The following SLC48A1 variants were observed in gnomAD, a reference collection of about 807,000 sequenced individuals.
SLC48A1 encodes heme transporter HRG1.
Under a neutral mutation model 14.8 loss-of-function variants are expected in SLC48A1, and 6 were observed. The observed-to-expected ratio is 0.41, with a 90% CI of 0.22 to 0.80. The LOEUF (loss-of-function observed/expected upper bound fraction) is 0.80. SLC48A1 is among the 30% of genes least tolerant of loss of function. The pLI is 0.34. For synonymous variants in SLC48A1, 89 were observed against 90.0 expected, an observed-to-expected ratio of 0.99 and a Z score of 0.06; for missense variants, 165 against 204.8, an observed-to-expected ratio of 0.81 and a Z score of 1.19.
At chr12:47,754,720 C>G (rs1295373936), upstream of SLC48A1, among the ~76,000 whole-genome samples, 1 of 152,142 alleles carries the variant, frequency 6.6e-6, no homozygotes, top group East Asian at 1.9e-4. Context: ...TCATGATGGG[C>G]CCTATTACCA....
Position 47,782,191 on chromosome 12 carries a change from C to T in SLC48A1, c.*1910C>T, listed in dbSNP as rs1413016348. 2 of 152,304 alleles carry T rather than the reference C, an allele frequency of 1.3e-5. No homozygotes were observed. The highest frequency in any genetic ancestry group is 2.9e-5 in the Non-Finnish European group (2 of 68,094). 9.4% of individuals were successfully genotyped at this position (152,304 alleles called of 1,614,324 possible). A position where few individuals can be genotyped will look rare whatever the true frequency, so the allele number is the denominator to read the frequency against. On this transcript the variant is annotated 3_prime_UTR_variant, in exon 3 of 3. Transcript: ENST00000442218. ...TTAGGCTGGGTGAGCTTGTCCAGGC[C>T]TGTGCCTCACCCCTTCTCTCTTCTA...
chr12:47,780,863 G>A lies in SLC48A1; in HGVS notation c.*582G>A, dbSNP rs550212177. ...ATTATAGGTGTGAGCCACCGTGCCC[G>A]GCCTGGATCTGTTTTCTTAGCACGC... On this transcript the variant is annotated 3_prime_UTR_variant, in exon 3 of 3. Coordinates refer to ENST00000442218, the MANE Select transcript of SLC48A1 (RefSeq NM_017842.3). 13 of 529,056 alleles carry A rather than the reference G, an allele frequency of 2.5e-5. No homozygotes were observed. The highest frequency in any genetic ancestry group is 4.5e-4 in the Middle Eastern group (1 of 2,206). The allele number at this position is 529,056 out of a possible 1,614,324, so 32.8% of individuals were successfully genotyped here.
In SLC48A1 at chr12:47,781,717, G is replaced by C. The variant is rs544164006; in HGVS notation, c.*1436G>C. Reference sequence around the variant, plus strand: ...GGTGGGACTCTTGCGGGAACAGGTGGACTTTGGGAGGAGTGGGCAGGGAGG... The same window carrying C: ...GGTGGGACTCTTGCGGGAACAGGTGCACTTTGGGAGGAGTGGGCAGGGAGG... On this transcript the variant is annotated 3_prime_UTR_variant, in exon 3 of 3. Coordinates refer to ENST00000442218, the MANE Select transcript of SLC48A1 (RefSeq NM_017842.3). The C allele has an allele frequency of 6.6e-6, 1 of 152,460 alleles. No homozygotes were observed. Among genetic ancestry groups the C allele is most frequent in the Non-Finnish European group, 1.5e-5 (1 of 67,916 alleles). The allele number at this position is 152,460 out of a possible 1,614,324, so 9.4% of individuals were successfully genotyped here.
At position 47,777,409 on chromosome 12, in the gene SLC48A1, A is replaced by G. The variant is rs1480542591; in HGVS notation, c.137-1619A>G. ...GGCTGAGGGAAGCTGTAGGCTTGGT[A>G]GGCCTTCACCCTCACTAGGGTAGAA... is the stretch of plus-strand genomic sequence containing the variant. On this transcript the variant is annotated intron_variant, in intron 1 of 2. Coordinates refer to ENST00000442218, the MANE Select transcript of SLC48A1 (RefSeq NM_017842.3). This position sits in a 1 kb window ranked among gnomAD's most constrained non-coding sequence, Gnocchi z 4.5. 1.3e-5 allele frequency among the ~76,000 whole-genome samples: 2 copies of G among 152,186 alleles called. No homozygotes were observed. Among genetic ancestry groups the G allele is most frequent in the Non-Finnish European group, 2.9e-5 (2 of 68,010 alleles).
chr12:47,759,164 TG>T (rs1942281599), intron 1 of SLC48A1: 1 of 926,388 alleles, frequency 1.1e-6, no homozygotes. Context: ...GTGGCTGCAC[TG>T]GCCGCCACGT....
At chr12:47,775,916 G>A (rs891518865) in intron 1 of SLC48A1, among the ~76,000 whole-genome samples, 3 of 152,200 alleles carry the variant, frequency 2.0e-5, no homozygotes, top group Non-Finnish European at 4.4e-5. Context: ...GTGTGGGTTG[G>A]ATCTACCTGG....
Position 47,780,310 on chromosome 12 carries a change from G to C in SLC48A1, c.*29G>C. On this transcript the variant is annotated 3_prime_UTR_variant, in exon 3 of 3. Transcript: ENST00000442218. ...AGGGGGTGAGGTCTCTGCACCCTGG[G>C]GGGGCCTTAGGACCTGGACTCAGCC... 1.2e-6 allele frequency: 2 copies of C among 1,614,080 alleles called. No homozygotes were observed. Among genetic ancestry groups the C allele is most frequent in the Non-Finnish European group, 1.7e-6 (2 of 1,179,942 alleles).
At chr12:47,768,127 G>T (rs1451239502), upstream of SLC48A1, among the ~76,000 whole-genome samples, 1 of 152,130 alleles carries the variant, frequency 6.6e-6, no homozygotes, top group Non-Finnish European at 1.5e-5. Flanking sequence ...ACAGGCACGT[G>T]CCACCACGCC....
At position 47,780,687 on chromosome 12, in the gene SLC48A1, C is replaced by G. The variant is rs938998159; in HGVS notation, c.*406C>G. On this transcript the variant is annotated 3_prime_UTR_variant, in exon 3 of 3. Coordinates refer to ENST00000442218, the MANE Select transcript of SLC48A1 (RefSeq NM_017842.3). ...GTTCAAGCAATTCTCCTGCCTTGGC[C>G]TCTCAAGTAGCTGGGATTACAGGCA... is the stretch of plus-strand genomic sequence containing the variant. 42 of 402,446 alleles carry G rather than the reference C, an allele frequency of 1.0e-4. No individual in the cohort carries two copies. The highest frequency in any genetic ancestry group is 1.9e-4 in the Non-Finnish European group (38 of 205,210). The allele number at this position is 402,446 out of a possible 1,614,324, so 24.9% of individuals were successfully genotyped here.
At chr12:47,759,807 A>G (rs974982064) in intron 1 of SLC48A1, among the ~76,000 whole-genome samples, 16 of 152,194 alleles carry the variant, frequency 1.1e-4, no homozygotes, top group African/African-American at 3.9e-4. Context: ...CCCCACCCCC[A>G]GCTTTTTAGG....
At chr12:47,757,786 GCAGCATGC>G (rs1227114289), upstream of SLC48A1, 1 of 1,354,692 alleles carries the variant, frequency 7.4e-7, no homozygotes, top group African/African-American at 1.4e-5. Flanking sequence ...TGGGCCACCA[GCAGCATGC>G]CAAGCCATGA....
At position 47,782,119 on chromosome 12, in the gene SLC48A1, CAG is replaced by C. The variant is rs1942897566; in HGVS notation, c.*1840_*1841del. ...TCCTGCTGGAAAAACCGGACAGACT[CAG>C]AACCACAAAGGCAGGTGCTGCCAGC... On this transcript the variant is annotated 3_prime_UTR_variant, in exon 3 of 3. Transcript: ENST00000442218. 1 of 152,356 alleles carries C rather than the reference CAG, an allele frequency of 6.6e-6. No homozygotes were observed. 9.4% of individuals were successfully genotyped at this position (152,356 alleles called of 1,614,324 possible). A position where few individuals can be genotyped will look rare whatever the true frequency, so the allele number is the denominator to read the frequency against.
At chr12:47,760,924 C>T (rs1397847713) in intron 2 of SLC48A1, among the ~76,000 whole-genome samples, 1 of 152,112 alleles carries the variant, frequency 6.6e-6, no homozygotes, top group East Asian at 1.9e-4. Context: ...AGGCCGGGTG[C>T]GATGGCTCAC....
upstream of SLC48A1, chr12:47,771,085 A>G (rs951857116): frequency 1.4e-5 from 5 of 346,470 alleles, no homozygotes; most frequent in Non-Finnish European, 2.3e-5. Context: ...TCTCATTAAA[A>G]TACACACTCC....
rs367588234 is a variant in SLC48A1 at position 47,780,125 on chromosome 12, C to T, written c.305-20C>T. On this transcript the variant is annotated intron_variant, in intron 2 of 2. Transcript: ENST00000442218. ...GGGCAGGGCCTGCCAAAGTCACTGT[C>T]GGTACTTCTCTCCCTGCAGGCCTCA... is the stretch of plus-strand genomic sequence containing the variant. 73 of 1,542,670 alleles carry T rather than the reference C, an allele frequency of 4.7e-5. No homozygotes were observed. The African/African-American group carries it at 9.1e-4, about 19-fold the overall frequency.
Position 47,777,930 on chromosome 12 carries a change from A to G in SLC48A1, c.137-1098A>G, listed in dbSNP as rs1942786605. Among the ~76,000 whole-genome samples, 1 of 152,068 alleles carries G rather than the reference A, an allele frequency of 6.6e-6. No homozygotes were observed. Among genetic ancestry groups the G allele is most frequent in the South Asian group, 2.1e-4 (1 of 4,824 alleles). ...CTTATCCTTCCTGTGCACATTTGGT[A>G]ACTACTCTGAGTGGCATGTGTGCAG... On this transcript the variant is annotated intron_variant, in intron 1 of 2. Transcript: ENST00000442218. This position sits in a 1 kb window ranked among gnomAD's most constrained non-coding sequence, Gnocchi z 4.5.
intron 1 of SLC48A1, among the ~76,000 whole-genome samples, chr12:47,773,829 C>T (rs1262068660): frequency 2.6e-5 from 4 of 152,066 alleles, no homozygotes; most frequent in African/African-American, 9.7e-5. Flanking sequence ...CACACACACA[C>T]GCACACACAC....
upstream of SLC48A1, chr12:47,756,098 G>C (rs1942035753): frequency 6.6e-6 from 1 of 152,102 alleles, no homozygotes; most frequent in Non-Finnish European, 1.5e-5. Context: ...CCTTGTTTTG[G>C]TGCCTTTGAC....
At chr12:47,766,951 C>T (rs561388057), upstream of SLC48A1, among the ~76,000 whole-genome samples, 3 of 152,212 alleles carry the variant, frequency 2.0e-5, no homozygotes, top group African/African-American at 7.2e-5. Flanking sequence ...CTCCCTGCAA[C>T]CTCCTAGAAT....
Sources: gnomAD v4.1 joint callset for allele counts (sites outside exome capture counted in the v4.1 genomes callset) on GRCh38, gnomAD v4.1.1 for gene constraint, Gnocchi (gnomAD v3.1) non-coding constraint, MANE v1.5 for transcripts, NCBI Gene and HGNC (gene_info 2026-07-23, HGNC 2026-07-21) for gene names.